The following USP10 variants were observed in gnomAD, a reference collection of about 807,000 sequenced individuals.
The protein encoded by USP10 is ubiquitin specific peptidase 10, also known as ubiquitin carboxyl-terminal hydrolase 10.
Under a neutral mutation model 84.5 loss-of-function variants are expected in USP10, and 22 were observed. That is an observed-to-expected ratio of 0.26 (90% CI 0.19 to 0.37). USP10 has a LOEUF of 0.37. Among genes scored for constraint, USP10 ranks in the 10% least tolerant of loss-of-function variants. USP10 has a pLI of 1.00. For missense variants in USP10, 1,019 were observed against 998.9 expected (o/e 1.02, Z -0.27); for synonymous variants, 454 against 387.6 (o/e 1.17, Z -2.01).
In USP10 at chr16:84,779,029, A is replaced by G. The variant is rs1464916586; in HGVS notation, c.2344A>G (p.Thr782Ala). 2.5e-6 allele frequency: 4 copies of G among 1,614,010 alleles called. No homozygotes were observed. In the South Asian group the frequency reaches 4.4e-5, roughly 18 times the overall value. ...CAACCAGTACCAGGTGGTGAAACCA[A>G]CTGCTGAACGCACAGCCTACCTCCT... is the stretch of plus-strand genomic sequence containing the variant. ...VINQYQVVKP[T>A]AERTAYLLYY... Residue 782 changes from threonine (T) to alanine (A), a missense_variant, in exon 14 of 14, where the codon ACT (threonine) becomes GCT (alanine). By Grantham distance (58) the Thr-to-Ala change is moderately conservative. This residue lies in a region of USP10 where 232 missense variants were observed against 290.1 expected (regional missense o/e 0.80). Transcript: ENST00000219473.
chr16:84,739,718 C>T (rs1425788225), intron 2 of USP10, among the ~76,000 whole-genome samples: 1 of 152,152 alleles, frequency 6.6e-6, no homozygotes, highest in Non-Finnish European at 1.5e-5. Context: ...CAGACAGTTC[C>T]CATTCTGCTT....
At chr16:84,725,398 CTTTTCTT>C (rs1198858945) in intron 1 of USP10, among the ~76,000 whole-genome samples, 3 of 152,024 alleles carry the variant, frequency 2.0e-5, no homozygotes, top group African/African-American at 7.2e-5. Flanking sequence ...TTTTCTCTTT[CTTTTCTT>C]TTTTCTTTTT....
At chr16:84,778,663 G>A (rs921581152) in intron 13 of USP10, among the ~76,000 whole-genome samples, 6 of 152,172 alleles carry the variant, frequency 3.9e-5, no homozygotes, top group African/African-American at 1.4e-4. Context: ...ATGCACACAT[G>A]TACCTATCTG....
chr16:84,742,039 T>C (rs1417220847), intron 3 of USP10, among the ~76,000 whole-genome samples: 2 of 152,250 alleles, frequency 1.3e-5, no homozygotes, highest in Non-Finnish European at 2.9e-5. Context: ...GCTTCCCTTT[T>C]AGATCTCGGC....
At chr16:84,767,823 CAG>C (rs1004893257) in intron 10 of USP10, among the ~76,000 whole-genome samples, 12 of 150,980 alleles carry the variant, frequency 7.9e-5, no homozygotes, top group African/African-American at 2.7e-4. Context: ...GTGTTTCTCA[CAG>C]AGGGGGATTT....
chr16:84,734,186 G>C (rs1262792634), intron 2 of USP10, among the ~76,000 whole-genome samples: 3 of 152,084 alleles, frequency 2.0e-5, no homozygotes, highest in Non-Finnish European at 4.4e-5. Context: ...AGTTTCACTA[G>C]AGACTGCTCG....
At chr16:84,776,764 G>A (rs150039658) in intron 13 of USP10, among the ~76,000 whole-genome samples, 210 of 152,274 alleles carry the variant, frequency 1.4e-3, no homozygotes, top group Non-Finnish European at 2.4e-3. Context: ...GCCTCGCCCC[G>A]GGACCTGGGC....
At chr16:84,712,016 G>C (rs1030401703) in intron 1 of USP10, among the ~76,000 whole-genome samples, 1 of 152,082 alleles carries the variant, frequency 6.6e-6, no homozygotes, top group Non-Finnish European at 1.5e-5. Context: ...CACCGCGCCC[G>C]GTGGCTTTTG....
At chr16:84,748,527 C>T (rs1911521151) in intron 4 of USP10, among the ~76,000 whole-genome samples, 1 of 152,120 alleles carries the variant, frequency 6.6e-6, no homozygotes, top group African/African-American at 2.4e-5. Flanking sequence ...TGGTCTTGAG[C>T]TCCTGACCTC....
At chr16:84,765,255 TTG>T (rs10571112) in intron 10 of USP10, among the ~76,000 whole-genome samples, 111,398 of 151,442 alleles carry the variant, frequency 0.74, 41,894 homozygotes, top group East Asian at 0.95. Context: ...ACAGTTACCC[TTG>T]TGTGTGTGTG....
intron 1 of USP10, among the ~76,000 whole-genome samples, chr16:84,701,564 T>C (rs1373377240): frequency 6.6e-6 from 1 of 152,256 alleles, no homozygotes; most frequent in African/African-American, 2.4e-5. Flanking sequence ...AGTAAAAGGC[T>C]CATTATGAAT....
At chr16:84,705,820 A>T (rs553529723) in intron 1 of USP10, among the ~76,000 whole-genome samples, 2 of 149,124 alleles carry the variant, frequency 1.3e-5, no homozygotes, top group South Asian at 2.1e-4. Context: ...CCCAGATTCA[A>T]GCGATTCTCC....
At chr16:84,733,901 A>AGC (rs34073781) in intron 2 of USP10, among the ~76,000 whole-genome samples, 42,827 of 151,982 alleles carry the variant, frequency 0.28, 6,302 homozygotes, top group Admixed American at 0.42. Flanking sequence ...ATGGTATACT[A>AGC]TATTCAGTTT....
chr16:84,741,853 C>T (rs111227747), intron 3 of USP10, among the ~76,000 whole-genome samples: 146 of 152,320 alleles, frequency 9.6e-4, no homozygotes, highest in Middle Eastern at 3.4e-3. Flanking sequence ...CTCTTTCCAG[C>T]CTGCTCAGCT....
At chr16:84,706,460 C>G (rs1237157119) in intron 1 of USP10, among the ~76,000 whole-genome samples, 1 of 149,356 alleles carries the variant, frequency 6.7e-6, no homozygotes, top group African/African-American at 2.4e-5. Flanking sequence ...TACGTGGCTG[C>G]AAAGACTATA....
rs368123897 is a variant in USP10 at position 84,728,796 on chromosome 16, CTCT to C, written c.22-4634_22-4632del. On this transcript the variant is annotated intron_variant, in intron 1 of 13. Coordinates refer to ENST00000219473, the MANE Select transcript of USP10 (RefSeq NM_005153.3). ...TCATATTCTGTTTTATAAGCAGCACCTCTTCTTTTTTCTTTTTTTTGAGACGGA... is the reference window on the plus strand; with the variant it reads ...TCATATTCTGTTTTATAAGCAGCACCTCTTTTTTCTTTTTTTTGAGACGGA... 9.8e-3 allele frequency among the ~76,000 whole-genome samples: 1,487 copies of C among 152,120 alleles called. 17 individuals carry two copies. The highest frequency in any genetic ancestry group is 0.026 in the South Asian group (124 of 4,814).
chr16:84,740,987 C>T lies in USP10; in HGVS notation c.151+618C>T, dbSNP rs565446164. ...AACAAGGTTGTTTAATTATTGATTG[C>T]AGGCTGCCCTTGCACAATTCAAACT... On this transcript the variant is annotated intron_variant, in intron 3 of 13. Transcript: ENST00000219473. Among the ~76,000 whole-genome samples, 13 of 152,350 alleles carry T rather than the reference C, an allele frequency of 8.5e-5. No homozygotes were observed. In the East Asian group the frequency reaches 2.5e-3, roughly 29 times the overall value.
chr16:84,705,121 A>T (rs963840496), intron 1 of USP10, among the ~76,000 whole-genome samples: 1 of 152,182 alleles, frequency 6.6e-6, no homozygotes, highest in Admixed American at 6.5e-5. Flanking sequence ...CTGGAGGGAC[A>T]TCTCCTTAAG....
chr16:84,763,613 A>G (rs1913465467), intron 9 of USP10, among the ~76,000 whole-genome samples: 1 of 152,260 alleles, frequency 6.6e-6, no homozygotes, highest in African/African-American at 2.4e-5. Flanking sequence ...AGCATCTTCA[A>G]ATTTCGCCAG....
Sources: gnomAD v4.1 joint callset for allele counts (sites outside exome capture counted in the v4.1 genomes callset) on GRCh38, gnomAD v4.1.1 for gene constraint, gnomAD v4.1.1 regional missense constraint, MANE v1.5 for transcripts, NCBI Gene and HGNC (gene_info 2026-07-23, HGNC 2026-07-21) for gene names.